The following RAB7B variants were observed in gnomAD, a reference collection of about 807,000 sequenced individuals.
RAB7B encodes the protein RAB7B, member RAS oncogene family.
At chr1:205,987,948 C>CTGCCCAGG (rs1243890837) in intron 4 of RAB7B, among the ~76,000 whole-genome samples, 2 of 151,996 alleles carry the variant, frequency 1.3e-5, no homozygotes, top group Non-Finnish European at 2.9e-5. Flanking sequence ...TCTCACTATG[C>CTGCCCAGG]TGCCCAGGTT....
At chr1:205,997,200 A>G (rs897373511) in intron 1 of RAB7B, among the ~76,000 whole-genome samples, 121,585 of 152,120 alleles carry the variant, frequency 0.8, 48,726 homozygotes, top group East Asian at 0.99. Flanking sequence ...CATGCCTACC[A>G]CATGCAAAGC....
chr1:205,985,087 C>A (rs1403358805), intron 5 of RAB7B, among the ~76,000 whole-genome samples: 1 of 152,192 alleles, frequency 6.6e-6, no homozygotes, highest in Non-Finnish European at 1.5e-5. Flanking sequence ...TCTTGCCGAA[C>A]CTTCGTACCT....
intron 4 of RAB7B, among the ~76,000 whole-genome samples, chr1:205,988,321 C>A (rs1660651891): frequency 6.7e-6 from 1 of 150,280 alleles, no homozygotes; most frequent in South Asian, 2.1e-4. Flanking sequence ...CTCTCCCTCC[C>A]GTGTTCAAGC....
intron 4 of RAB7B, among the ~76,000 whole-genome samples, chr1:205,989,605 G>A (rs1344442398): frequency 7.2e-5 from 11 of 152,010 alleles, no homozygotes; most frequent in Admixed American, 3.3e-4. Context: ...CCTGTGCCCC[G>A]ATCTCCTTTC....
At chr1:205,992,073 A>T (rs1660730631) in intron 4 of RAB7B, among the ~76,000 whole-genome samples, 1 of 152,192 alleles carries the variant, frequency 6.6e-6, no homozygotes, top group Non-Finnish European at 1.5e-5. Flanking sequence ...TTCAAATTCC[A>T]CTGTGACCTC....
At chr1:205,998,974 G>A (rs1317093600) in intron 1 of RAB7B, among the ~76,000 whole-genome samples, 1 of 152,184 alleles carries the variant, frequency 6.6e-6, no homozygotes, top group Non-Finnish European at 1.5e-5. Context: ...AAGCAGTTCA[G>A]CCTTAAAGAC....
At chr1:205,986,796 A>G (rs962130646) in intron 4 of RAB7B, among the ~76,000 whole-genome samples, 8 of 152,138 alleles carry the variant, frequency 5.3e-5, no homozygotes, top group Non-Finnish European at 1.2e-4. Context: ...CAGTTTATTT[A>G]GGGGAGCCAA....
chr1:205,993,389 A>G (rs1215156986), intron 3 of RAB7B, 31 bp downstream of exon 3: 8 of 398,314 alleles, frequency 2.0e-5, no homozygotes, highest in Non-Finnish European at 3.1e-5. Flanking sequence ...CAGTGTATGT[A>G]TGTTGAAGAG....
At chr1:205,992,435 G>T (rs1468666832) in intron 4 of RAB7B, 45 bp downstream of exon 4, 12 of 398,510 alleles carry the variant, frequency 3.0e-5, no homozygotes, top group Non-Finnish European at 4.9e-5. Context: ...CACATAGTGG[G>T]TGCTCATATA....
chr1:205,994,344 T>C, intron 1 of RAB7B, 193 bp from the exon 2 acceptor site: 1 of 351,032 alleles, frequency 2.8e-6, no homozygotes. Flanking sequence ...CCTGGGGGCC[T>C]CCCCAAAGCT....
Position 205,992,557 on chromosome 1 carries a change from G to A in RAB7B, c.319C>T (p.Leu107=), listed in dbSNP as rs1660738736. ...EALDIWRGDV[L]AKIVPMEQSY... ...TGCTCCATGGGGACAATCTTGGCCA[G>A]GACATCACCCCGCCAGATATCCAGG... The change falls in exon 4 of 6, where the codon CTG becomes TTG. Residue 107 remains leucine, a synonymous_variant. Coordinates refer to ENST00000617070, the MANE Select transcript of RAB7B (RefSeq NM_001164522.3). 3 of 398,726 alleles carry A rather than the reference G, an allele frequency of 7.5e-6. No homozygotes were observed. Among genetic ancestry groups the A allele is most frequent in the Non-Finnish European group, 1.3e-5 (3 of 226,100 alleles). The allele number at this position is 398,726 out of a possible 1,614,324, so 24.7% of individuals were successfully genotyped here.
At chr1:205,994,058 A>G in intron 2 of RAB7B, 25 bp downstream of exon 2, 1 of 398,508 alleles carries the variant, frequency 2.5e-6, no homozygotes, top group Non-Finnish European at 4.4e-6. Flanking sequence ...CTGCTTCCCA[A>G]CTCCCAGAGC....
intron 5 of RAB7B, among the ~76,000 whole-genome samples, chr1:205,979,830 C>T (rs1262312597): frequency 6.6e-6 from 1 of 152,168 alleles, no homozygotes. Context: ...GCAAAATTGT[C>T]CCTGGCAGTC....
intron 1 of RAB7B, among the ~76,000 whole-genome samples, chr1:205,999,177 G>A (rs1660853512): frequency 6.6e-6 from 1 of 152,196 alleles, no homozygotes. Context: ...AGGGAGGCCA[G>A]CGGCGTGCTT....
chr1:205,998,747 C>T (rs1660847055), intron 1 of RAB7B, among the ~76,000 whole-genome samples: 1 of 152,166 alleles, frequency 6.6e-6, no homozygotes, highest in East Asian at 1.9e-4. Context: ...TTTGTGAATA[C>T]ACAAATACAC....
Position 205,977,772 on chromosome 1 carries a change from C to G in RAB7B, c.*1079G>C, listed in dbSNP as rs1660410747. On this transcript the variant is annotated 3_prime_UTR_variant, in exon 6 of 6. Transcript: ENST00000617070. ...TCCCTGGAATGTTCTTTCTCCAGCT[C>G]TCAGGTGACAGCTGCTTTCTCATTC... is the stretch of plus-strand genomic sequence containing the variant. 1.3e-5 allele frequency: 2 copies of G among 152,354 alleles called. No individual in the cohort carries two copies. Among genetic ancestry groups the G allele is most frequent in the Admixed American group, 6.5e-5 (1 of 15,308 alleles). The allele number at this position is 152,354 out of a possible 1,614,324, so 9.4% of individuals were successfully genotyped here. A position where few individuals can be genotyped will look rare whatever the true frequency, so the allele number is the denominator to read the frequency against.
intron 5 of RAB7B, among the ~76,000 whole-genome samples, chr1:205,981,108 G>A (rs1660483725): frequency 1.3e-5 from 2 of 151,834 alleles, no homozygotes; most frequent in Admixed American, 6.6e-5. Context: ...CACCCAGGCT[G>A]GTCTGGAACT....
intron 4 of RAB7B, among the ~76,000 whole-genome samples, chr1:205,987,192 T>C (rs1660625621): frequency 6.6e-6 from 1 of 152,178 alleles, no homozygotes; most frequent in East Asian, 1.9e-4. Context: ...CAGACAGTAT[T>C]TTTCACTTTT....
intron 4 of RAB7B, 117 bp from the exon 5 acceptor site, chr1:205,985,782 C>CACCAGGCCCACCATCCCCACCAGG (rs1660588724): frequency 1.4e-5 from 1 of 68,974 alleles, no homozygotes; most frequent in East Asian, 2.6e-4. Flanking sequence ...TCCCCATCAT[C>CACCAGGCCCACCATCCCCACCAGG]CCCACCAGGC....
Sources: allele counts gnomAD v4.1 joint callset (sites outside exome capture counted in the v4.1 genomes callset), GRCh38; gene constraint gnomAD v4.1.1; transcripts MANE v1.5; gene names NCBI Gene and HGNC (gene_info 2026-07-23, HGNC 2026-07-21).